ERBB4: variants seen among roughly 807,000 people sequenced by gnomAD.
The protein encoded by ERBB4 is receptor tyrosine-protein kinase erbB-4.
A neutral mutation model predicts 158.0 loss-of-function variants in ERBB4; 42 were observed. The observed-to-expected ratio is 0.27, with a 90% CI of 0.21 to 0.34. The LOEUF is 0.34. ERBB4 is among the 10% of genes least tolerant of loss of function. The pLI is 1.00. For synonymous variants in ERBB4, 583 were observed against 558.7 expected (o/e 1.04, Z -0.61); for missense variants, 1,333 against 1,624.1 (o/e 0.82, Z 3.08).
At chr2:211,401,960 A>G (rs2063052329) in intron 25 of ERBB4, among the ~76,000 whole-genome samples, 1 of 151,560 alleles carries the variant, frequency 6.6e-6, no homozygotes, top group African/African-American at 2.4e-5. Context: ...ATATATTACT[A>G]GCACAATTAT....
intron 13 of ERBB4, among the ~76,000 whole-genome samples, chr2:211,677,191 T>C (rs1425171983): frequency 1.3e-5 from 2 of 152,160 alleles, no homozygotes; most frequent in Non-Finnish European, 2.9e-5. Context: ...TCCAATGTTA[T>C]TTATTGGATC....
intron 19 of ERBB4, among the ~76,000 whole-genome samples, chr2:211,576,948 G>C (rs114275882): frequency 0.024 from 3,630 of 152,168 alleles, 58 homozygotes; most frequent in Middle Eastern, 0.054. Flanking sequence ...GGGTGTGGAT[G>C]ATACAAATTC....
chr2:211,674,311 T>C (rs77786119), intron 13 of ERBB4, among the ~76,000 whole-genome samples: 3,272 of 152,230 alleles, frequency 0.021, 118 homozygotes, highest in African/African-American at 0.075. Context: ...TACATTAAAA[T>C]ATATTTTTAC....
At chr2:212,259,366 C>A (rs1459351461) in intron 1 of ERBB4, among the ~76,000 whole-genome samples, 3 of 152,056 alleles carry the variant, frequency 2.0e-5, no homozygotes, top group East Asian at 1.9e-4. Flanking sequence ...TTAAGAAATT[C>A]CAGGTAAAGC....
At chr2:211,765,779 A>C (rs970119597) in intron 4 of ERBB4, among the ~76,000 whole-genome samples, 1 of 152,212 alleles carries the variant, frequency 6.6e-6, no homozygotes, top group African/African-American at 2.4e-5. Context: ...GCTTTAAAAA[A>C]CTTTTAAATT....
intron 3 of ERBB4, among the ~76,000 whole-genome samples, chr2:211,803,967 A>G (rs1214918917): frequency 6.6e-6 from 1 of 152,224 alleles, no homozygotes; most frequent in African/African-American, 2.4e-5. Flanking sequence ...ACTGAATTCC[A>G]TAAGACTTCT....
At chr2:212,413,294 G>A (rs1441109925) in intron 1 of ERBB4, among the ~76,000 whole-genome samples, 1 of 151,736 alleles carries the variant, frequency 6.6e-6, no homozygotes, top group African/African-American at 2.4e-5. Flanking sequence ...CCTATGTAGA[G>A]TATTTTTACA....
intron 19 of ERBB4, among the ~76,000 whole-genome samples, chr2:211,572,504 G>T (rs748385246): frequency 6.6e-6 from 1 of 152,104 alleles, no homozygotes; most frequent in Non-Finnish European, 1.5e-5. Context: ...TTTCATTTGG[G>T]TTCAGCCAGT....
intron 1 of ERBB4, among the ~76,000 whole-genome samples, chr2:212,357,387 T>G (rs989296899): frequency 1.3e-5 from 2 of 151,882 alleles, no homozygotes. Context: ...ATGAATGCTG[T>G]GAGAATACGA....
chr2:211,941,141 G>A (rs925846952), intron 3 of ERBB4, among the ~76,000 whole-genome samples: 2 of 151,974 alleles, frequency 1.3e-5, no homozygotes, highest in African/African-American at 4.8e-5. Flanking sequence ...GGACTCTTCC[G>A]AAGAATGTGC....
chr2:212,166,222 T>TA (rs1685039828), intron 1 of ERBB4, among the ~76,000 whole-genome samples: 1 of 152,102 alleles, frequency 6.6e-6, no homozygotes, highest in South Asian at 2.1e-4. Flanking sequence ...CCATCTTTGA[T>TA]ATTACACTCA....
At chr2:211,993,704 C>A (rs370436345) in intron 2 of ERBB4, among the ~76,000 whole-genome samples, 2 of 150,174 alleles carry the variant, frequency 1.3e-5, no homozygotes, top group Admixed American at 6.7e-5. Flanking sequence ...TTTTTGCCCC[C>A]GGTTATCTAT....
intron 2 of ERBB4, among the ~76,000 whole-genome samples, chr2:212,118,417 C>T (rs1329093115): frequency 3.3e-5 from 5 of 152,100 alleles, no homozygotes; most frequent in African/African-American, 1.2e-4. Flanking sequence ...GCTTTCTCTG[C>T]CTTCCTACAA....
At chr2:211,900,824 A>G (rs562708422) in intron 3 of ERBB4, among the ~76,000 whole-genome samples, 3 of 152,186 alleles carry the variant, frequency 2.0e-5, no homozygotes, top group Admixed American at 1.3e-4. Flanking sequence ...TAAACACTCA[A>G]TTACTGAATT....
At chr2:211,639,164 A>G (rs1559372120) in intron 16 of ERBB4, among the ~76,000 whole-genome samples, 1 of 152,174 alleles carries the variant, frequency 6.6e-6, no homozygotes, top group Non-Finnish European at 1.5e-5. Context: ...CCATACTAAT[A>G]CAGTAACTTT....
chr2:212,159,393 G>A (rs1452901337), intron 1 of ERBB4, among the ~76,000 whole-genome samples: 1 of 151,546 alleles, frequency 6.6e-6, no homozygotes, highest in Non-Finnish European at 1.5e-5. Context: ...GTCTAAAATG[G>A]ACAACTAAAT....
chr2:211,775,628 A>G (rs2075853424), intron 4 of ERBB4, among the ~76,000 whole-genome samples: 1 of 152,216 alleles, frequency 6.6e-6, no homozygotes, highest in Non-Finnish European at 1.5e-5. Context: ...TTACCATGTT[A>G]TAACTTATCT....
At chr2:212,478,003 T>C (rs1689493452) in intron 1 of ERBB4, among the ~76,000 whole-genome samples, 2 of 152,122 alleles carry the variant, frequency 1.3e-5, no homozygotes, top group Non-Finnish European at 2.9e-5. Context: ...CATTTTGTCT[T>C]TACAAGAATA....
chr2:211,888,354 T>C (rs1216592003), intron 3 of ERBB4, among the ~76,000 whole-genome samples: 2 of 152,242 alleles, frequency 1.3e-5, no homozygotes, highest in East Asian at 3.8e-4. Flanking sequence ...ATTATACTTA[T>C]CAACCATTGG....
Sources: allele counts gnomAD v4.1 joint callset (sites outside exome capture counted in the v4.1 genomes callset), GRCh38; gene constraint gnomAD v4.1.1; transcripts MANE v1.5; gene names NCBI Gene and HGNC (gene_info 2026-07-23, HGNC 2026-07-21).